The following LIMS1 variants were observed in gnomAD, a reference collection of about 807,000 sequenced individuals.
The protein encoded by LIMS1 is LIM and senescent cell antigen-like-containing domain protein 1.
A neutral mutation model predicts 44.1 loss-of-function variants in LIMS1; 18 were observed. That is an observed-to-expected ratio of 0.41 (90% CI 0.28 to 0.61). The LOEUF is 0.61. LIMS1 is among the 20% of genes least tolerant of loss of function. The probability of loss-of-function intolerance (pLI) is 0.32; values close to 1 mark genes in which losing one functional copy is unlikely to be tolerated. For synonymous variants in LIMS1, 93 were observed against 149.1 expected (o/e 0.62, Z 2.74); for missense variants, 201 against 422.0 (o/e 0.48, Z 4.59).
chr2:108,613,972 A>G (rs1438978680), intron 1 of LIMS1, among the ~76,000 whole-genome samples: 1 of 152,064 alleles, frequency 6.6e-6, no homozygotes, highest in African/African-American at 2.4e-5. Context: ...GGTTGATACC[A>G]GTGTCCCCTA....
intron 1 of LIMS1, 120 bp downstream of exon 1, chr2:108,534,714 C>A: frequency 2.1e-6 from 1 of 483,006 alleles, no homozygotes; most frequent in Non-Finnish European, 2.7e-6. Context: ...CGGCCTCCCC[C>A]GGTCGGCCGG....
chr2:108,570,681 A>G (rs1405408908), intron 1 of LIMS1, among the ~76,000 whole-genome samples: 2 of 152,136 alleles, frequency 1.3e-5, no homozygotes, highest in Non-Finnish European at 2.9e-5. Flanking sequence ...TCTCAGAGGG[A>G]ACGTGGCCAT....
chr2:108,651,778 G>A (rs1690507658), intron 1 of LIMS1, among the ~76,000 whole-genome samples: 1 of 151,310 alleles, frequency 6.6e-6, no homozygotes, highest in African/African-American at 2.4e-5. Flanking sequence ...ATGGGGCAAG[G>A]TGTGGGGAAA....
At position 108,557,282 on chromosome 2, in the gene LIMS1, G is replaced by A. The variant is rs564108398; in HGVS notation, c.32+22688G>A. ...TGTAGAGACGGTGTCTCTCTATGTT[G>A]CCCAGACTGGTCTTGAACTCCTGGG... On this transcript the variant is annotated intron_variant, in intron 1 of 9. Transcript: ENST00000544547. Among the ~76,000 whole-genome samples, 3 of 152,168 alleles carry A rather than the reference G, an allele frequency of 2.0e-5. No homozygotes were observed. In the East Asian group the frequency reaches 5.8e-4, roughly 29 times the overall value.
intron 9 of LIMS1, 24 bp from the exon 10 acceptor site, chr2:108,683,861 T>A (rs761225503): frequency 1.9e-5 from 25 of 1,304,608 alleles, no homozygotes; most frequent in African/African-American, 7.5e-5. Context: ...TAACTTCTTT[T>A]TTTTTATAAT....
In LIMS1 at chr2:108,598,470, C is replaced by T. The variant is rs550114866; in HGVS notation, c.33-61135C>T. On this transcript the variant is annotated intron_variant, in intron 1 of 9. Coordinates refer to ENST00000544547, the Ensembl canonical transcript of LIMS1. ...GAAGGAAAGCTGAAGGTAGGGCAGC[C>T]GGATGGTTAGCTTTGCAGATATGAG... is the stretch of plus-strand genomic sequence containing the variant. Among the ~76,000 whole-genome samples, 22 of 152,190 alleles carry T rather than the reference C, an allele frequency of 1.4e-4. No homozygotes were observed. In the East Asian group the frequency reaches 1.5e-3, roughly 11 times the overall value.
intron 1 of LIMS1, among the ~76,000 whole-genome samples, chr2:108,538,803 A>T (rs1013190569): frequency 2.0e-5 from 3 of 152,132 alleles, no homozygotes. Context: ...AACCATCACT[A>T]CCCTTCCTTC....
intron 1 of LIMS1, among the ~76,000 whole-genome samples, chr2:108,586,000 T>A (rs947983277): frequency 6.6e-6 from 1 of 152,144 alleles, no homozygotes; most frequent in Admixed American, 6.5e-5. Context: ...GAGACCATCC[T>A]GGCTAACACG....
At position 108,669,659 on chromosome 2, in the gene LIMS1, G is replaced by C. The variant is rs149398169; in HGVS notation, c.193-1122G>C. ...TAAGGAGCTCGAAGACTCAAGGGGA[G>C]ACATTACTATAACATTTCTCACAAG... On this transcript the variant is annotated intron_variant, in intron 2 of 9. Transcript: ENST00000544547. Among the ~76,000 whole-genome samples the C allele has an allele frequency of 5.0e-3, 762 of 151,628 alleles. 6 individuals carry two copies. Among genetic ancestry groups the C allele is most frequent in the African/African-American group, 0.017 (723 of 41,328 alleles).
chr2:108,660,956 T>A (rs1691320978), intron 2 of LIMS1, among the ~76,000 whole-genome samples: 1 of 141,018 alleles, frequency 7.1e-6, no homozygotes, highest in African/African-American at 2.7e-5. Flanking sequence ...TTTGATTTCT[T>A]CTTTTGCCTA....
intron 1 of LIMS1, among the ~76,000 whole-genome samples, chr2:108,613,491 C>T (rs1160159694): frequency 2.6e-5 from 4 of 151,976 alleles, no homozygotes; most frequent in African/African-American, 4.8e-5. Context: ...GTCTGCCCTT[C>T]TGCCCTCCCT....
exon 10 of LIMS1, chr2:108,685,312 CACT>C (rs1693242836): frequency 6.6e-6 from 1 of 152,054 alleles, no homozygotes; most frequent in Non-Finnish European, 1.5e-5. Context: ...GTTTCAGGAC[CACT>C]CTTCCTTAAT....
intron 1 of LIMS1, among the ~76,000 whole-genome samples, chr2:108,636,289 T>C (rs797014261): frequency 9.2e-5 from 14 of 152,284 alleles, no homozygotes; most frequent in African/African-American, 3.4e-4. Flanking sequence ...TCACCCAAGG[T>C]ACCCCCTACA....
At chr2:108,572,711 G>A (rs1042417506) in intron 1 of LIMS1, among the ~76,000 whole-genome samples, 3 of 152,112 alleles carry the variant, frequency 2.0e-5, no homozygotes, top group African/African-American at 7.2e-5. Flanking sequence ...ATGTGTATAG[G>A]AGGAATAAGC....
At chr2:108,603,465 G>A (rs1485592909) in intron 1 of LIMS1, among the ~76,000 whole-genome samples, 1 of 141,666 alleles carries the variant, frequency 7.1e-6, no homozygotes, top group African/African-American at 2.6e-5. Context: ...AATTTCTGCA[G>A]TATCAGTTGT....
chr2:108,543,484 C>T (rs1401233898), intron 1 of LIMS1, among the ~76,000 whole-genome samples: 1 of 152,114 alleles, frequency 6.6e-6, no homozygotes, highest in Non-Finnish European at 1.5e-5. Context: ...GGCCTTAAAG[C>T]ATGAGAAAAT....
In LIMS1 at chr2:108,622,503, G is replaced by A. The variant is rs560098463; in HGVS notation, c.33-37102G>A. ...TTGTTGACTCACCAATTTTTGAAGAGGGTAGCATTAAAGGACTATTATTGA... is the reference window on the plus strand; with the variant it reads ...TTGTTGACTCACCAATTTTTGAAGAAGGTAGCATTAAAGGACTATTATTGA... On this transcript the variant is annotated intron_variant, in intron 1 of 9. Transcript: ENST00000544547. Among the ~76,000 whole-genome samples the A allele has an allele frequency of 3.9e-5, 6 of 152,222 alleles. No homozygotes were observed. In the South Asian group the frequency reaches 8.3e-4, roughly 21 times the overall value.
At chr2:108,572,424 C>T (rs919016013) in intron 1 of LIMS1, among the ~76,000 whole-genome samples, 1 of 144,182 alleles carries the variant, frequency 6.9e-6, no homozygotes, top group African/African-American at 2.6e-5. Context: ...GCTCTATTGC[C>T]CAGGCTGGAG....
At chr2:108,619,544 C>T (rs904021465) in intron 1 of LIMS1, among the ~76,000 whole-genome samples, 2 of 151,900 alleles carry the variant, frequency 1.3e-5, no homozygotes, top group African/African-American at 4.8e-5. Context: ...ATTAGCTGGG[C>T]GTGGTGGCGC....
Sources: allele counts gnomAD v4.1 joint callset (sites outside exome capture counted in the v4.1 genomes callset), GRCh38; gene constraint gnomAD v4.1.1; transcripts MANE v1.5; gene names NCBI Gene and HGNC (gene_info 2026-07-23, HGNC 2026-07-21).